SPATA6: variants seen among roughly 807,000 people sequenced by gnomAD.
The protein encoded by SPATA6 is spermatogenesis-associated protein 6.
A neutral mutation model predicts 65.3 loss-of-function variants in SPATA6; 56 were observed. The observed-to-expected ratio is 0.86, with a 90% CI of 0.69 to 1.07. SPATA6 has a LOEUF of 1.07. Ranked by LOEUF, SPATA6 falls within the 50% of genes least tolerant of loss-of-function variation. SPATA6 has a pLI of 0.00. For missense variants in SPATA6, 590 were observed against 594.8 expected (o/e 0.99, Z 0.08); for synonymous variants, 199 against 213.2 (o/e 0.93, Z 0.58).
At chr1:48,327,661 T>C (rs1490051523) in intron 11 of SPATA6, among the ~76,000 whole-genome samples, 1 of 152,200 alleles carries the variant, frequency 6.6e-6, no homozygotes. Flanking sequence ...AATGAAATCA[T>C]GTCCTTTGCA....
the SPATA6 span, among the ~76,000 whole-genome samples, chr1:48,281,587 G>A: frequency 6.6e-6 from 1 of 151,694 alleles, no homozygotes; most frequent in African/African-American, 2.4e-5. Flanking sequence ...ATTCACAATT[G>A]CTTCAAAGAG....
intron 3 of SPATA6, among the ~76,000 whole-genome samples, chr1:48,443,941 C>T (rs1224104397): frequency 2.6e-5 from 4 of 152,170 alleles, no homozygotes; most frequent in African/African-American, 7.2e-5. Flanking sequence ...ACCCCTGGAC[C>T]GACCCACTGG....
chr1:48,387,036 C>CCA (rs1263124246), intron 8 of SPATA6, among the ~76,000 whole-genome samples: 3 of 152,186 alleles, frequency 2.0e-5, no homozygotes, highest in African/African-American at 7.2e-5. Flanking sequence ...ACTTACAGTT[C>CCA]CACGTAGCTG....
chr1:48,444,280 C>T (rs1487532508), intron 3 of SPATA6, among the ~76,000 whole-genome samples: 1 of 151,422 alleles, frequency 6.6e-6, no homozygotes, highest in African/African-American at 2.4e-5. Context: ...AATCAGCACT[C>T]TGTCTACCAA....
the SPATA6 span, among the ~76,000 whole-genome samples, chr1:48,273,577 T>G: frequency 6.6e-6 from 1 of 152,098 alleles, no homozygotes; most frequent in Non-Finnish European, 1.5e-5. Context: ...CACATATGAG[T>G]GAGAACATGA....
chr1:48,343,929 TA>T (rs1214223024), intron 11 of SPATA6, among the ~76,000 whole-genome samples: 2 of 151,866 alleles, frequency 1.3e-5, no homozygotes, highest in African/African-American at 4.8e-5. Flanking sequence ...GTAGAAAAAT[TA>T]AATAACAATA....
intron 11 of SPATA6, among the ~76,000 whole-genome samples, chr1:48,307,782 T>C (rs963831050): frequency 6.6e-6 from 1 of 151,866 alleles, no homozygotes; most frequent in Non-Finnish European, 1.5e-5. Flanking sequence ...TAAGTGCATA[T>C]ATATTTGTAA....
At chr1:48,412,229 T>C (rs1041482365) in intron 4 of SPATA6, among the ~76,000 whole-genome samples, 2 of 152,150 alleles carry the variant, frequency 1.3e-5, no homozygotes, top group African/African-American at 4.8e-5. Context: ...CAGAAATCAA[T>C]ATCAGAAATG....
chr1:48,457,042 G>A (rs1657056850), intron 1 of SPATA6, among the ~76,000 whole-genome samples: 1 of 152,084 alleles, frequency 6.6e-6, no homozygotes, highest in Admixed American at 6.5e-5. Context: ...ACCAGCCTGG[G>A]CAACATAGTG....
chr1:48,420,578 T>C (rs1037928637), intron 3 of SPATA6, among the ~76,000 whole-genome samples: 3 of 152,210 alleles, frequency 2.0e-5, no homozygotes, highest in African/African-American at 4.8e-5. Flanking sequence ...TATTGCTTGC[T>C]TGGTGGTGGG....
At chr1:48,344,490 A>C (rs1007663055) in intron 11 of SPATA6, among the ~76,000 whole-genome samples, 1 of 152,144 alleles carries the variant, frequency 6.6e-6, no homozygotes, top group African/African-American at 2.4e-5. Flanking sequence ...CGAGATAAGC[A>C]GCTAACACCA....
At chr1:48,405,838 GCT>G (rs1381951680) in intron 5 of SPATA6, among the ~76,000 whole-genome samples, 1 of 152,034 alleles carries the variant, frequency 6.6e-6, no homozygotes, top group Non-Finnish European at 1.5e-5. Flanking sequence ...CCACCAGTCT[GCT>G]CTCTGACCAC....
chr1:48,284,784 CCT>C, the SPATA6 span, among the ~76,000 whole-genome samples: 12 of 152,030 alleles, frequency 7.9e-5, no homozygotes, highest in Admixed American at 2.6e-4. Flanking sequence ...AAGATTGCTC[CCT>C]GTTCCTTCCT....
intron 9 of SPATA6, among the ~76,000 whole-genome samples, chr1:48,367,487 T>A (rs555709166): frequency 2.0e-5 from 3 of 152,214 alleles, no homozygotes; most frequent in African/African-American, 7.2e-5. Flanking sequence ...CTCCTGTATT[T>A]GGTGCATATA....
chr1:48,423,564 C>CTTTTTTT (rs781669150), intron 3 of SPATA6, among the ~76,000 whole-genome samples: 18 of 121,060 alleles, frequency 1.5e-4, no homozygotes, highest in African/African-American at 2.4e-4. Flanking sequence ...TTCTTTCTTT[C>CTTTTTTT]TTTTTTTTTT....
intron 9 of SPATA6, among the ~76,000 whole-genome samples, chr1:48,379,067 C>A (rs1396459522): frequency 1.3e-5 from 2 of 152,100 alleles, no homozygotes; most frequent in Admixed American, 1.3e-4. Flanking sequence ...TAAAGACATA[C>A]CCAAGACTGG....
At chr1:48,323,585 C>A (rs1645664745) in intron 11 of SPATA6, among the ~76,000 whole-genome samples, 1 of 133,386 alleles carries the variant, frequency 7.5e-6, no homozygotes, top group Non-Finnish European at 1.6e-5. Context: ...AAAGGATAAA[C>A]AAAATCAACA....
chr1:48,452,052 T>C (rs1362966482), intron 2 of SPATA6, among the ~76,000 whole-genome samples: 1 of 152,198 alleles, frequency 6.6e-6, no homozygotes, highest in Non-Finnish European at 1.5e-5. Flanking sequence ...CATTATTCTC[T>C]TCATGCACTT....
downstream of SPATA6, among the ~76,000 whole-genome samples, chr1:48,290,938 C>G (rs931918730): frequency 4.6e-5 from 7 of 152,000 alleles, no homozygotes; most frequent in Non-Finnish European, 1.0e-4. Context: ...GACAGATCAA[C>G]GAGACAGAAA....
Sources: allele counts gnomAD v4.1 joint callset (sites outside exome capture counted in the v4.1 genomes callset), GRCh38; gene constraint gnomAD v4.1.1; transcripts MANE v1.5; gene names NCBI Gene and HGNC (gene_info 2026-07-23, HGNC 2026-07-21).